The following SNX8 variants were observed in gnomAD, a reference collection of about 807,000 sequenced individuals.
The protein encoded by SNX8 is sorting nexin-8.
Under a neutral mutation model 51.6 loss-of-function variants are expected in SNX8, and 25 were observed. The observed-to-expected ratio is 0.48, with a 90% CI of 0.35 to 0.68. SNX8 has a LOEUF of 0.68. SNX8 is among the 30% of genes least tolerant of loss of function. The probability of loss-of-function intolerance (pLI) is 0.00; values close to 1 mark genes in which losing one functional copy is unlikely to be tolerated. For missense variants in SNX8, 695 were observed against 624.0 expected, an observed-to-expected ratio of 1.11 and a Z score of -1.21; for synonymous variants, 324 against 277.0, an observed-to-expected ratio of 1.17 and a Z score of -1.68.
intron 1 of SNX8, among the ~76,000 whole-genome samples, chr7:2,285,107 G>C (rs1297853974): frequency 6.6e-6 from 1 of 151,324 alleles, no homozygotes; most frequent in African/African-American, 2.4e-5. Context: ...AGCTACTCGG[G>C]AGTCTGAGGC....
At chr7:2,337,117 A>C (rs1272383275) in intron 1 of SNX8, 1 of 152,158 alleles carries the variant, frequency 6.6e-6, no homozygotes, top group Non-Finnish European at 1.5e-5. Context: ...GGGTCACACC[A>C]CTGTGCGTAG....
At chr7:2,347,535 C>T (rs1387455098) in intron 1 of SNX8, among the ~76,000 whole-genome samples, 1 of 144,688 alleles carries the variant, frequency 6.9e-6, no homozygotes, top group African/African-American at 2.5e-5. Context: ...AGGCAGTAGG[C>T]GGCAGGGAAA....
intron 1 of SNX8, among the ~76,000 whole-genome samples, chr7:2,294,942 A>G (rs1700294614): frequency 6.6e-6 from 1 of 152,112 alleles, no homozygotes. Context: ...AGGTAGGAGG[A>G]TCACTTGAGC....
intron 3 of SNX8, among the ~76,000 whole-genome samples, chr7:2,274,049 T>C (rs1171017066): frequency 2.0e-5 from 3 of 152,200 alleles, no homozygotes; most frequent in Non-Finnish European, 4.4e-5. Context: ...GCGTGTGCAG[T>C]TTCCAGGCGC....
At chr7:2,338,869 G>C (rs773966298) in intron 1 of SNX8, among the ~76,000 whole-genome samples, 21 of 151,992 alleles carry the variant, frequency 1.4e-4, no homozygotes, top group Non-Finnish European at 2.5e-4. Flanking sequence ...TTAAGATCAG[G>C]AGTTTGAGAC....
intron 1 of SNX8, among the ~76,000 whole-genome samples, chr7:2,325,372 A>T (rs1778604177): frequency 6.6e-6 from 1 of 152,210 alleles, no homozygotes; most frequent in East Asian, 1.9e-4. Flanking sequence ...GTTACTAGAA[A>T]TAGGGAAGTT....
intron 1 of SNX8, among the ~76,000 whole-genome samples, chr7:2,303,205 G>A (rs1286855419): frequency 4.0e-5 from 6 of 150,442 alleles, no homozygotes; most frequent in African/African-American, 7.3e-5. Flanking sequence ...CCCTCTGCCC[G>A]GCCAGCCGCC....
intron 1 of SNX8, among the ~76,000 whole-genome samples, chr7:2,320,147 G>C (rs1172973343): frequency 1.3e-5 from 2 of 152,102 alleles, no homozygotes; most frequent in African/African-American, 4.8e-5. Flanking sequence ...CCTGAGATCG[G>C]GAGTTTGAGA....
At chr7:2,279,915 C>G (rs888296164) in intron 1 of SNX8, among the ~76,000 whole-genome samples, 1 of 152,196 alleles carries the variant, frequency 6.6e-6, no homozygotes, top group Admixed American at 6.5e-5. Context: ...GAAAAAGAAT[C>G]TTCCTTTTCT....
chr7:2,323,347 A>C (rs996940589), intron 1 of SNX8, among the ~76,000 whole-genome samples: 3 of 150,378 alleles, frequency 2.0e-5, no homozygotes, highest in African/African-American at 7.3e-5. Context: ...AAAAAAAAAA[A>C]AACAACCAAA....
intron 6 of SNX8, 141 bp downstream of exon 6, chr7:2,264,157 G>A (rs764312025): frequency 9.0e-5 from 68 of 751,486 alleles, no homozygotes; most frequent in Non-Finnish European, 1.3e-4. Flanking sequence ...CCATGTGCCT[G>A]AGCCACTTTC....
At chr7:2,294,091 G>T (rs916140386) in intron 1 of SNX8, among the ~76,000 whole-genome samples, 4 of 151,768 alleles carry the variant, frequency 2.6e-5, no homozygotes, top group Admixed American at 1.3e-4. Context: ...GTGAAACCCT[G>T]TCTCTACTAG....
At chr7:2,308,911 T>C (rs1796606450) in intron 1 of SNX8, among the ~76,000 whole-genome samples, 1 of 150,210 alleles carries the variant, frequency 6.7e-6, no homozygotes, top group South Asian at 2.1e-4. Flanking sequence ...CACCTCAGCC[T>C]CCCGAGTAGC....
rs977668428 is a variant in SNX8 at position 2,297,893 on chromosome 7, G to A, written c.94+16435C>T. On this transcript the variant is annotated intron_variant, in intron 1 of 10. Transcript: ENST00000222990. ...AACAGACACTGGACCCTCAGAGGGC[G>A]GGAGGGGGTGAAGGATGAAAAATTA... Among the ~76,000 whole-genome samples, 4 of 151,880 alleles carry A rather than the reference G, an allele frequency of 2.6e-5. 1 individual carries two copies. The highest frequency in any genetic ancestry group is 9.7e-5 in the African/African-American group (4 of 41,210).
intron 1 of SNX8, among the ~76,000 whole-genome samples, chr7:2,282,234 A>C (rs1584697613): frequency 1.3e-5 from 2 of 152,182 alleles, no homozygotes; most frequent in South Asian, 4.1e-4. Context: ...TTCCCCTCTC[A>C]GCAAGTTTTC....
intron 1 of SNX8, among the ~76,000 whole-genome samples, chr7:2,287,557 C>A (rs1796059667): frequency 6.6e-6 from 1 of 152,028 alleles, no homozygotes; most frequent in African/African-American, 2.4e-5. Context: ...CCAGCCTGGG[C>A]AACAAGAGCA....
At position 2,269,539 on chromosome 7, in the gene SNX8, GAAAAA is replaced by G. The variant is rs746486273; in HGVS notation, c.621+15_621+19del. 11 of 1,005,470 alleles carry G rather than the reference GAAAAA, an allele frequency of 1.1e-5. No homozygotes were observed. In the African/African-American group the frequency reaches 2.0e-4, roughly 19 times the overall value. The allele number at this position is 1,005,470 out of a possible 1,614,324, so 62.3% of individuals were successfully genotyped here. A position where few individuals can be genotyped will look rare whatever the true frequency, so the allele number is the denominator to read the frequency against. On this transcript the variant is annotated intron_variant, in intron 5 of 10. Transcript: ENST00000222990. ...AAAATAAATTAAAAAAAAAAAAAAA[GAAAAA>G]AAAAAGAAAAATACCTTGGCCCTGG... is the stretch of plus-strand genomic sequence containing the variant.
At chr7:2,326,441 A>G (rs533800721) in intron 1 of SNX8, among the ~76,000 whole-genome samples, 6 of 152,148 alleles carry the variant, frequency 3.9e-5, no homozygotes, top group East Asian at 1.9e-4. Flanking sequence ...CAAGGCGGGC[A>G]GATCACGAGG....
At chr7:2,311,765 G>A (rs953842581) in intron 1 of SNX8, among the ~76,000 whole-genome samples, 2 of 151,578 alleles carry the variant, frequency 1.3e-5, no homozygotes, top group Non-Finnish European at 2.9e-5. Flanking sequence ...GTGAAACCCC[G>A]TCTCTACTAA....
Sources: allele counts gnomAD v4.1 joint callset (sites outside exome capture counted in the v4.1 genomes callset), GRCh38; gene constraint gnomAD v4.1.1; transcripts MANE v1.5; gene names NCBI Gene and HGNC (gene_info 2026-07-23, HGNC 2026-07-21).